PCDHA8: variants seen among roughly 807,000 people sequenced by gnomAD.
PCDHA8 encodes protocadherin alpha 8, also known as protocadherin alpha-8.
PCDHA8 carries 53 observed loss-of-function variants against 61.8 expected under a neutral mutation model. The observed-to-expected ratio is 0.86, with a 90% CI of 0.69 to 1.08. The LOEUF (loss-of-function observed/expected upper bound fraction) is 1.08. Among genes scored for constraint, PCDHA8 ranks in the 50% least tolerant of loss-of-function variants. The pLI, the probability that PCDHA8 is intolerant of heterozygous loss-of-function variation, is 0.00. For missense variants in PCDHA8, 1,293 were observed against 1,245.0 expected, an observed-to-expected ratio of 1.04 and a Z score of -0.58; for synonymous variants, 618 against 556.6, an observed-to-expected ratio of 1.11 and a Z score of -1.55.
chr5:140,863,525 C>A, intron 1 of PCDHA8: 1 of 394,654 alleles, frequency 2.5e-6, no homozygotes, highest in South Asian at 2.0e-5. Context: ...TCCCATGGTT[C>A]AGATTTTGGA....
At chr5:140,914,023 G>A (rs1434570010) in intron 1 of PCDHA8, among the ~76,000 whole-genome samples, 5 of 152,112 alleles carry the variant, frequency 3.3e-5, no homozygotes, top group African/African-American at 7.2e-5. Context: ...AATGATCCAC[G>A]TGCTGAGAAG....
At chr5:140,859,469 A>G in intron 1 of PCDHA8, 1 of 211,582 alleles carries the variant, frequency 4.7e-6, no homozygotes, top group Non-Finnish European at 9.2e-6. Context: ...CTACACTATC[A>G]ATTGTGTTTT....
intron 1 of PCDHA8, among the ~76,000 whole-genome samples, chr5:140,894,553 T>G (rs2064537673): frequency 6.6e-6 from 1 of 152,008 alleles, no homozygotes; most frequent in South Asian, 2.1e-4. Flanking sequence ...TGTTTACTTC[T>G]GAAAAAATTA....
chr5:140,844,328 A>T (rs2150370621), intron 1 of PCDHA8, among the ~76,000 whole-genome samples: 8 of 149,410 alleles, frequency 5.4e-5, no homozygotes, highest in Non-Finnish European at 9.0e-5. Flanking sequence ...TTTATTATAA[A>T]CTAGTTAAAA....
rs2150345601 is a variant in PCDHA8 at position 140,842,829 on chromosome 5, C to G, written c.1508C>G (p.Ser503Trp). ...SLVERRVGER[S>W]LSSYISVHTE... Reference sequence around the variant, plus strand: ...GTGGAGCGGCGGGTGGGCGAGCGCTCGCTGTCGAGCTACATTTCGGTGCAC... The same window carrying G: ...GTGGAGCGGCGGGTGGGCGAGCGCTGGCTGTCGAGCTACATTTCGGTGCAC... Residue 503 changes from serine (S) to tryptophan (W), a missense_variant, in exon 1 of 4, where the codon TCG (serine) becomes TGG (tryptophan). Physicochemically the swap from Ser to Trp is radical, Grantham distance 177. Coordinates refer to ENST00000531613, the MANE Select transcript of PCDHA8 (RefSeq NM_018911.3). The G allele has an allele frequency of 8.8e-6, 14 of 1,593,636 alleles. 2 individuals are homozygous for G. The highest frequency in any genetic ancestry group is 1.1e-5 in the South Asian group (1 of 90,422).
chr5:140,862,359 C>T (rs1364549064), intron 1 of PCDHA8: 3 of 337,738 alleles, frequency 8.9e-6, no homozygotes, highest in African/African-American at 4.3e-5. Flanking sequence ...AAGGGACAGA[C>T]GACCCGCACC....
At position 140,870,296 on chromosome 5, in the gene PCDHA8, C is replaced by T. The variant is rs782782375; in HGVS notation, c.2394+26581C>T. ...CCCCACGTTCCCTTCAAGCTGGTGTCCACCTTCAAGAATTACTACTCGTTG... is the reference window on the plus strand; with the variant it reads ...CCCCACGTTCCCTTCAAGCTGGTGTTCACCTTCAAGAATTACTACTCGTTG... On this transcript the variant is annotated intron_variant, in intron 1 of 3. Transcript: ENST00000531613. 1.2e-5 allele frequency: 20 copies of T among 1,614,086 alleles called. No homozygotes were observed. In the African/African-American group the frequency reaches 2.3e-4, roughly 18 times the overall value.
chr5:140,981,465 T>C (rs1226815704), intron 2 of PCDHA8, among the ~76,000 whole-genome samples: 2 of 152,116 alleles, frequency 1.3e-5, no homozygotes, highest in Non-Finnish European at 1.5e-5. Context: ...TCCCAGCTAC[T>C]TGGGAGGCTG....
intron 1 of PCDHA8, among the ~76,000 whole-genome samples, chr5:140,956,062 T>G (rs2153708941): frequency 6.6e-6 from 1 of 152,228 alleles, no homozygotes; most frequent in South Asian, 2.1e-4. Flanking sequence ...GACAATGGGG[T>G]TTTCCAGATA....
intron 1 of PCDHA8, chr5:140,928,625 A>T: frequency 6.2e-7 from 1 of 1,614,224 alleles, no homozygotes; most frequent in African/African-American, 1.3e-5. Flanking sequence ...AGGACTGGAC[A>T]CTTGGTCACA....
chr5:140,850,372 T>C, intron 1 of PCDHA8: 1 of 1,597,806 alleles, frequency 6.3e-7, no homozygotes, highest in African/African-American at 1.3e-5. Context: ...CGCGTGGGGC[T>C]GTACACGGGC....
chr5:140,844,834 C>T (rs1554140741), intron 1 of PCDHA8, among the ~76,000 whole-genome samples: 1 of 149,116 alleles, frequency 6.7e-6, no homozygotes, highest in Non-Finnish European at 1.5e-5. Context: ...TACACGTTTG[C>T]TTCTTGTGAC....
At chr5:140,945,481 C>T (rs269552) in intron 1 of PCDHA8, among the ~76,000 whole-genome samples, 33,891 of 151,742 alleles carry the variant, frequency 0.22, 4,873 homozygotes, top group African/African-American at 0.41. Flanking sequence ...ACAAAACACC[C>T]CAAATACCCA....
chr5:140,911,724 C>T (rs1255448143), intron 1 of PCDHA8, among the ~76,000 whole-genome samples: 1 of 151,192 alleles, frequency 6.6e-6, no homozygotes, highest in Non-Finnish European at 1.5e-5. Context: ...ACTCTGTAAA[C>T]AGTTCGTGCC....
chr5:140,874,469 G>C (rs2054929448), intron 1 of PCDHA8, among the ~76,000 whole-genome samples: 1 of 152,212 alleles, frequency 6.6e-6, no homozygotes, highest in Non-Finnish European at 1.5e-5. Flanking sequence ...GGAAGATTTA[G>C]AGAAAAAGCA....
At position 140,841,749 on chromosome 5, in the gene PCDHA8, C is replaced by T; in HGVS notation, c.428C>T (p.Ser143Leu). ...FRVKDQKLFV[S>L]ESRMPDSRFP... ...GTAAAAGACCAAAAGCTGTTTGTTT[C>T]AGAATCCAGAATGCCAGACTCTCGG... The change falls in exon 1 of 4, where the codon TCA becomes TTA. Residue 143 changes from serine to leucine, a missense_variant. Physicochemically the swap from Ser to Leu is moderately radical, Grantham distance 145. Coordinates refer to ENST00000531613, the MANE Select transcript of PCDHA8 (RefSeq NM_018911.3). 6.2e-7 allele frequency: 1 copy of T among 1,613,878 alleles called. No homozygotes were observed. Among genetic ancestry groups the T allele is most frequent in the Non-Finnish European group, 8.5e-7 (1 of 1,179,870 alleles).
chr5:140,903,753 A>T (rs1554191101), intron 1 of PCDHA8, among the ~76,000 whole-genome samples: 2 of 152,186 alleles, frequency 1.3e-5, no homozygotes, highest in African/African-American at 4.8e-5. Context: ...GTTTCCCTTG[A>T]TTTTTGCTGA....
At chr5:140,859,474 T>A (rs1282422046) in intron 1 of PCDHA8, 1 of 210,268 alleles carries the variant, frequency 4.8e-6, no homozygotes, top group East Asian at 1.7e-4. Flanking sequence ...CTATCAATTG[T>A]GTTTTCCTGA....
intron 1 of PCDHA8, chr5:140,968,638 A>T: frequency 6.2e-7 from 1 of 1,614,184 alleles, no homozygotes; most frequent in Non-Finnish European, 8.5e-7. Context: ...TTTACCATCT[A>T]GCCCAGACTT....
Sources: allele counts gnomAD v4.1 joint callset (sites outside exome capture counted in the v4.1 genomes callset), GRCh38; gene constraint gnomAD v4.1.1; transcripts MANE v1.5; gene names NCBI Gene and HGNC (gene_info 2026-07-23, HGNC 2026-07-21).